The following STARD5 variants were observed in gnomAD, a reference collection of about 807,000 sequenced individuals.
STARD5 encodes StAR related lipid transfer domain containing 5.
A neutral mutation model predicts 24.6 loss-of-function variants in STARD5; 26 were observed. That is an observed-to-expected ratio of 1.06 (90% CI 0.77 to 1.47). The LOEUF (loss-of-function observed/expected upper bound fraction) is 1.47, where lower values mean the gene tolerates loss of function less well. Ranked by LOEUF, STARD5 falls within the 40% of genes most tolerant of loss-of-function variation. The probability of loss-of-function intolerance (pLI) is 0.00; values close to 1 mark genes in which losing one functional copy is unlikely to be tolerated. For missense variants in STARD5, 254 were observed against 270.8 expected (o/e 0.94, Z 0.44); for synonymous variants, 101 against 99.7 (o/e 1.01, Z -0.07).
intron 5 of STARD5, 78 bp from the exon 6 acceptor site, chr15:81,313,481 C>T: frequency 7.3e-7 from 1 of 1,365,254 alleles, no homozygotes; most frequent in Non-Finnish European, 9.7e-7. Flanking sequence ...GTGAGCAGAG[C>T]CCAGCCCAGT....
At chr15:81,323,546 A>T in intron 1 of STARD5, 2 of 1,009,568 alleles carry the variant, frequency 2.0e-6, no homozygotes, top group Non-Finnish European at 1.5e-6. Context: ...AGAGGGGTTC[A>T]TGCTGTAATG....
intron 1 of STARD5, 103 bp from the exon 2 acceptor site, chr15:81,323,051 T>TA: frequency 1.6e-6 from 2 of 1,284,424 alleles, no homozygotes; most frequent in South Asian, 2.5e-5. Flanking sequence ...CCTCAAGAGA[T>TA]ACGACTCTCC....
chr15:81,322,812 G>C (rs373666774), intron 2 of STARD5, 87 bp downstream of exon 2: 2 of 1,542,932 alleles, frequency 1.3e-6, no homozygotes, highest in South Asian at 1.1e-5. Context: ...TTATAGGGTT[G>C]ATTTGAATAT....
chr15:81,318,186 G>A (rs1201704753), intron 5 of STARD5, among the ~76,000 whole-genome samples: 1 of 152,184 alleles, frequency 6.6e-6, no homozygotes, highest in Non-Finnish European at 1.5e-5. Context: ...TCAAAAATAA[G>A]AGTAACGCCT....
Position 81,322,892 on chromosome 15 carries a change from C to T in STARD5, c.149+7G>A. 5 of 1,614,170 alleles carry T rather than the reference C, an allele frequency of 3.1e-6. No individual in the cohort carries two copies. Among genetic ancestry groups the T allele is most frequent in the Non-Finnish European group, 4.2e-6 (5 of 1,180,028 alleles). ...TCTGGTAATCTTTGAACGAGGCATG[C>T]ACTTACAGGTTCCCTGGAAACTCCA... is the stretch of plus-strand genomic sequence containing the variant. On this transcript the variant is annotated splice_region_variant and intron_variant, in intron 2 of 5. Transcript: ENST00000302824.
chr15:81,317,691 GTGTC>G (rs1901111690), intron 5 of STARD5, among the ~76,000 whole-genome samples: 1 of 152,100 alleles, frequency 6.6e-6, no homozygotes, highest in Non-Finnish European at 1.5e-5. Flanking sequence ...TTCCCTCCGG[GTGTC>G]TGTATGGAGA....
rs758027577 is a variant in STARD5, at chr15:81,313,323, A to G, written c.575T>C (p.Phe192Ser). ...AAACCGGGTCATGCTGCGGGGGAAG[A>G]AGGAGTCCACCACGTTCTGTGGGAG... ...GYLPQNVVDS[F>S]FPRSMTRFYA... Residue 192 changes from phenylalanine (F) to serine (S), a missense_variant, in exon 6 of 6, where the codon TTC becomes TCC. Coordinates refer to ENST00000302824, the MANE Select transcript of STARD5 (RefSeq NM_181900.3). The G allele has an allele frequency of 6.3e-6, 10 of 1,578,940 alleles. No homozygotes were observed. Among genetic ancestry groups the G allele is most frequent in the Middle Eastern group, 1.7e-4 (1 of 6,030 alleles).
chr15:81,322,950 T>G lies in STARD5; in HGVS notation c.100-2A>C, dbSNP rs1567057010. 1 of 1,613,920 alleles carries G rather than the reference T, an allele frequency of 6.2e-7. No individual in the cohort carries two copies. Among genetic ancestry groups the G allele is most frequent in the Non-Finnish European group, 8.5e-7 (1 of 1,180,022 alleles). ...CCTCCAGGAAACTGAAACTCCATTC[T>G]GTCAAAAGGCACAGAACCACAGAAT... is the stretch of plus-strand genomic sequence containing the variant. On this transcript the variant is annotated splice_acceptor_variant, in intron 1 of 5. Coordinates refer to ENST00000302824, the MANE Select transcript of STARD5 (RefSeq NM_181900.3). LOFTEE classifies it high-confidence loss of function.
At position 81,312,686 on chromosome 15, in the gene STARD5, C is replaced by G. The variant is rs1321160295; in HGVS notation, c.*570G>C. 1 of 152,224 alleles carries G rather than the reference C, an allele frequency of 6.6e-6. No individual in the cohort carries two copies. Among genetic ancestry groups the G allele is most frequent in the African/African-American group, 2.4e-5 (1 of 41,458 alleles). The allele number at this position is 152,224 out of a possible 1,614,324, so 9.4% of individuals were successfully genotyped here. On this transcript the variant is annotated 3_prime_UTR_variant, in exon 6 of 6. Coordinates refer to ENST00000302824, the MANE Select transcript of STARD5 (RefSeq NM_181900.3). ...GAAAGTGTTTTTCCTTAATGCTTAT[C>G]CTGTTTTTAAACCATTATTTCCAAG...
intron 1 of STARD5, 143 bp downstream of exon 1, chr15:81,323,858 A>G: frequency 1.2e-6 from 1 of 846,256 alleles, no homozygotes. Context: ...GAAGAAAACA[A>G]TCCCCATTGG....
chr15:81,318,331 C>A, intron 5 of STARD5, 78 bp downstream of exon 5: 1 of 1,191,326 alleles, frequency 8.4e-7, no homozygotes. Flanking sequence ...AGTCAAAGTG[C>A]CCCTTTTCAC....
At chr15:81,313,703 G>A (rs1335759011) in intron 5 of STARD5, 2 of 219,264 alleles carry the variant, frequency 9.1e-6, no homozygotes, top group African/African-American at 2.3e-5. Context: ...AATGCTTTCA[G>A]AGAACTCACT....
intron 5 of STARD5, among the ~76,000 whole-genome samples, chr15:81,317,194 CAAA>C (rs34300152): frequency 3.8e-5 from 4 of 106,662 alleles, no homozygotes; most frequent in Admixed American, 9.6e-5. Flanking sequence ...AACTCCGTCT[CAAA>C]AAAAAAAAAA....
At position 81,322,480 on chromosome 15, in the gene STARD5, T is replaced by C. The variant is rs1444089357; in HGVS notation, c.210A>G (p.Pro70=). 2 of 1,614,252 alleles carry C rather than the reference T, an allele frequency of 1.2e-6. No homozygotes were observed. The highest frequency in any genetic ancestry group is 1.7e-6 in the Non-Finnish European group (2 of 1,180,046). The change falls in exon 3 of 6, where the codon CCA becomes CCG. Residue 70 remains proline, a synonymous_variant. Coordinates refer to ENST00000302824, the MANE Select transcript of STARD5 (RefSeq NM_181900.3). ...TLEEVWDCVK[P]AVGGLRVKWD... Reference sequence around the variant, plus strand: ...ACTTCACTCGTAGGCCTCCAACAGCTGGCTTCACACAGTCCCACACCTCCT... The same window carrying C: ...ACTTCACTCGTAGGCCTCCAACAGCCGGCTTCACACAGTCCCACACCTCCT...
rs940141948 is a variant in STARD5 at position 81,312,563 on chromosome 15, T to G, written c.*693A>C. 6.6e-6 allele frequency: 1 copy of G among 152,272 alleles called. No homozygotes were observed. The highest frequency in any genetic ancestry group is 2.4e-5 in the African/African-American group (1 of 41,472). The allele number at this position is 152,272 out of a possible 1,614,324, so 9.4% of individuals were successfully genotyped here. On this transcript the variant is annotated 3_prime_UTR_variant, in exon 6 of 6. Transcript: ENST00000302824. ...CATCCCTAATGCTGCAGATTTGGGCTGGAACAGATTCACACTGTCTGGTTT... is the reference window on the plus strand; with the variant it reads ...CATCCCTAATGCTGCAGATTTGGGCGGGAACAGATTCACACTGTCTGGTTT...
chr15:81,318,777 T>C (rs185126195), intron 4 of STARD5, among the ~76,000 whole-genome samples: 1 of 152,214 alleles, frequency 6.6e-6, no homozygotes, highest in East Asian at 1.9e-4. Flanking sequence ...CACATAAACA[T>C]GCACATAGCT....
chr15:81,314,667 C>T (rs557928508), intron 5 of STARD5, among the ~76,000 whole-genome samples: 1 of 152,122 alleles, frequency 6.6e-6, no homozygotes, highest in East Asian at 1.9e-4. Flanking sequence ...AGGTGGATCA[C>T]CTGAGGTCAG....
chr15:81,321,200 C>A (rs1467105524), intron 3 of STARD5, among the ~76,000 whole-genome samples: 1 of 152,174 alleles, frequency 6.6e-6, no homozygotes, highest in Non-Finnish European at 1.5e-5. Context: ...AGCTCCCATT[C>A]ATCTCATCTA....
At position 81,313,260 on chromosome 15, in the gene STARD5, T is replaced by C; in HGVS notation, c.638A>G (p.Glu213Gly). ...NLQKAVKQFH[E>G] is the part of the protein sequence containing the mutation. The stretch of plus-strand genomic sequence containing the variant: ...TGCCAAGAAGTAACGATAGCATTAC[T>C]CATGGAATTGCTTCACTGCTTTCTG... Residue 213 changes from glutamate (E) to glycine (G), a missense_variant, in exon 6 of 6, where the codon GAG becomes GGG. Coordinates refer to ENST00000302824, the MANE Select transcript of STARD5 (RefSeq NM_181900.3). The C allele has an allele frequency of 6.4e-7, 1 of 1,566,666 alleles. No homozygotes were observed. Among genetic ancestry groups the C allele is most frequent in the Non-Finnish European group, 8.7e-7 (1 of 1,155,826 alleles).
Sources: allele counts gnomAD v4.1 joint callset (sites outside exome capture counted in the v4.1 genomes callset), GRCh38; gene constraint gnomAD v4.1.1; transcripts MANE v1.5; gene names NCBI Gene and HGNC (gene_info 2026-07-23, HGNC 2026-07-21).